The following EIF3A variants were observed in gnomAD, a reference collection of about 807,000 sequenced individuals.
EIF3A encodes EIF3, p180 subunit.
A neutral mutation model predicts 186.6 loss-of-function variants in EIF3A; 21 were observed. That is an observed-to-expected ratio of 0.11 (90% CI 0.08 to 0.16). The LOEUF (loss-of-function observed/expected upper bound fraction) is 0.16. EIF3A is among the 10% of genes least tolerant of loss of function. The probability of loss-of-function intolerance (pLI) is 1.00; values close to 1 mark genes in which losing one functional copy is unlikely to be tolerated. For synonymous variants in EIF3A, 563 were observed against 584.3 expected (o/e 0.96, Z 0.52); for missense variants, 1,306 against 1,796.3 (o/e 0.73, Z 4.93).
intron 17 of EIF3A, 145 bp from the exon 18 acceptor site, chr10:119,044,287 A>G (rs1848254084): frequency 4.8e-6 from 3 of 629,318 alleles, no homozygotes; most frequent in Non-Finnish European, 8.4e-6. Flanking sequence ...TTATTTTTTA[A>G]TCTGAGATCA....
intron 19 of EIF3A, among the ~76,000 whole-genome samples, chr10:119,041,294 G>A (rs546332768): frequency 3.9e-4 from 60 of 152,280 alleles, no homozygotes; most frequent in African/African-American, 1.3e-3. Context: ...GAGGCTGGGC[G>A]CAGCGCCTCA....
In EIF3A at chr10:119,035,330, T is replaced by C. The variant is rs894176629; in HGVS notation, c.*709A>G. The stretch of plus-strand genomic sequence containing the variant: ...CCATTAATGGAAAAGCAGTTTGCTA[T>C]TGGCAACAGAAAAAAACTCAGCGAT... On this transcript the variant is annotated 3_prime_UTR_variant, in exon 22 of 22. Coordinates refer to ENST00000369144, the MANE Select transcript of EIF3A (RefSeq NM_003750.4). The C allele has an allele frequency of 2.0e-5, 3 of 152,602 alleles. No homozygotes were observed. Among genetic ancestry groups the C allele is most frequent in the African/African-American group, 7.2e-5 (3 of 41,448 alleles). The allele number at this position is 152,602 out of a possible 1,614,324, so 9.5% of individuals were successfully genotyped here. A position where few individuals can be genotyped will look rare whatever the true frequency, so the allele number is the denominator to read the frequency against.
chr10:119,067,216 CAA>C (rs36002945), intron 6 of EIF3A, among the ~76,000 whole-genome samples: 5 of 128,664 alleles, frequency 3.9e-5, no homozygotes, highest in Admixed American at 7.9e-5. Context: ...AATTCTGTCT[CAA>C]AAAAAAAAAA....
chr10:119,041,221 T>C (rs975183849), intron 19 of EIF3A, among the ~76,000 whole-genome samples: 1 of 151,932 alleles, frequency 6.6e-6, no homozygotes, highest in Non-Finnish European at 1.5e-5. Flanking sequence ...CAAACATGTA[T>C]ACAACTGCTC....
rs1373649451 is a variant in EIF3A, at chr10:119,070,918, G to A, written c.709C>T (p.Leu237=). ...SMHLETRLVQ[L]DSAISMELWQ... is the part of the protein sequence containing the mutation. ...AATTCCATGCTGATAGCACTGTCCA[G>A]CTGAACAAGTCTGGTTTCCAAATGC... The change falls in exon 5 of 22, where the codon CTG becomes TTG. Residue 237 remains leucine (L), a synonymous_variant. Coordinates refer to ENST00000369144, the MANE Select transcript of EIF3A (RefSeq NM_003750.4). 1 of 1,613,614 alleles carries A rather than the reference G, an allele frequency of 6.2e-7. No homozygotes were observed. Among genetic ancestry groups the A allele is most frequent in the Non-Finnish European group, 8.5e-7 (1 of 1,179,650 alleles).
At chr10:119,046,173 G>GC (rs1435646303) in intron 17 of EIF3A, among the ~76,000 whole-genome samples, 2 of 152,200 alleles carry the variant, frequency 1.3e-5, no homozygotes, top group African/African-American at 4.8e-5. Context: ...TTCCTTTACC[G>GC]CAAGAATAGA....
intron 20 of EIF3A, among the ~76,000 whole-genome samples, chr10:119,037,894 A>T (rs945731590): frequency 2.1e-5 from 3 of 143,362 alleles, no homozygotes; most frequent in African/African-American, 5.1e-5. Flanking sequence ...CCATTTTCTT[A>T]CTTTAAGAGG....
At chr10:119,074,951 A>G (rs1458316467) in intron 1 of EIF3A, among the ~76,000 whole-genome samples, 1 of 145,498 alleles carries the variant, frequency 6.9e-6, no homozygotes, top group Non-Finnish European at 1.5e-5. Flanking sequence ...AGGGAAAAAA[A>G]TGGAATACAA....
At chr10:119,050,060 T>A in intron 16 of EIF3A, 75 bp from the exon 17 acceptor site, 1 of 1,385,938 alleles carries the variant, frequency 7.2e-7, no homozygotes, top group Non-Finnish European at 1.0e-6. Flanking sequence ...ACTTTTCTGG[T>A]ATTAAACAGG....
chr10:119,062,994 G>A (rs1277219633), intron 7 of EIF3A, among the ~76,000 whole-genome samples: 1 of 151,632 alleles, frequency 6.6e-6, no homozygotes, highest in African/African-American at 2.4e-5. Context: ...GACCTGAAGT[G>A]ATCCACCCGC....
Position 119,058,820 on chromosome 10 carries a change from T to C in EIF3A, c.1629+392A>G, listed in dbSNP as rs571943475. On this transcript the variant is annotated intron_variant, in intron 11 of 21. Coordinates refer to ENST00000369144, the MANE Select transcript of EIF3A (RefSeq NM_003750.4). ...ATTGCTTGAACCCAGGAGGTAGAGA[T>C]TGCAATGAGCCGAGATGGCATCACT... Among the ~76,000 whole-genome samples the C allele has an allele frequency of 2.3e-3, 347 of 152,258 alleles. 7 individuals carry two copies. In the South Asian group the frequency reaches 0.027, roughly 12 times the overall value.
intron 1 of EIF3A, among the ~76,000 whole-genome samples, chr10:119,079,871 G>A (rs980723928): frequency 6.6e-6 from 1 of 152,172 alleles, no homozygotes; most frequent in Non-Finnish European, 1.5e-5. Flanking sequence ...CTCTCTCTAG[G>A]CCTGTTTCGT....
chr10:119,053,741 T>C (rs1366563074), intron 14 of EIF3A, among the ~76,000 whole-genome samples: 1 of 152,086 alleles, frequency 6.6e-6, no homozygotes, highest in African/African-American at 2.4e-5. Flanking sequence ...AGAAAGTCTG[T>C]TGTTTAAGTG....
intron 14 of EIF3A, among the ~76,000 whole-genome samples, chr10:119,055,666 C>CT (rs1564753709): frequency 2.0e-5 from 3 of 152,104 alleles, no homozygotes; most frequent in African/African-American, 7.2e-5. Flanking sequence ...GAGCCCAGGA[C>CT]TTTGAGACCT....
At chr10:119,047,464 G>A (rs1848295697) in intron 17 of EIF3A, among the ~76,000 whole-genome samples, 1 of 152,278 alleles carries the variant, frequency 6.6e-6, no homozygotes, top group Middle Eastern at 3.4e-3. Flanking sequence ...AGGTGTGTGT[G>A]GGCAAGGGGG....
At chr10:119,080,517 T>C in intron 1 of EIF3A, 111 bp downstream of exon 1, 1 of 1,421,410 alleles carries the variant, frequency 7.0e-7, no homozygotes, top group South Asian at 1.5e-5. Flanking sequence ...GCCGCATCGG[T>C]CTCCTCTCCC....
intron 9 of EIF3A, chr10:119,060,109 TAAAAG>T (rs1293925270): frequency 3.9e-6 from 2 of 510,526 alleles, no homozygotes; most frequent in Non-Finnish European, 7.7e-6. Flanking sequence ...ACTACTCACA[TAAAAG>T]AAAGCAGGTC....
intron 1 of EIF3A, 120 bp downstream of exon 1, chr10:119,080,508 C>T: frequency 1.4e-6 from 2 of 1,407,406 alleles, no homozygotes; most frequent in South Asian, 1.6e-5. Context: ...GGCGGGCAGG[C>T]CGCATCGGTC....
At chr10:119,080,131 G>C (rs992416903) in intron 1 of EIF3A, among the ~76,000 whole-genome samples, 2 of 152,248 alleles carry the variant, frequency 1.3e-5, no homozygotes, top group African/African-American at 4.8e-5. Context: ...GGGTGGCTGC[G>C]GGAAGGCCGG....
Sources: gnomAD v4.1 joint callset for allele counts (sites outside exome capture counted in the v4.1 genomes callset) on GRCh38, gnomAD v4.1.1 for gene constraint, MANE v1.5 for transcripts, NCBI Gene and HGNC (gene_info 2026-07-23, HGNC 2026-07-21) for gene names.